The following ANO4 variants were observed in gnomAD, a reference collection of about 807,000 sequenced individuals.
The protein encoded by ANO4 is anoctamin 4, also known as anoctamin-4.
In ANO4, 69 loss-of-function variants were observed where a neutral mutation model predicts 141.9. That is an observed-to-expected ratio of 0.49 (90% confidence interval 0.40 to 0.59). ANO4 has a LOEUF of 0.59. ANO4 is among the 20% of genes least tolerant of loss of function. ANO4 has a pLI of 0.00. For missense variants in ANO4, 894 were observed against 1,162.2 expected, an observed-to-expected ratio of 0.77 and a Z score of 3.36; for synonymous variants, 350 against 394.3, an observed-to-expected ratio of 0.89 and a Z score of 1.33.
intron 14 of ANO4, among the ~76,000 whole-genome samples, chr12:101,050,192 C>T (rs149388641): frequency 9.9e-4 from 151 of 152,214 alleles, no homozygotes; most frequent in Middle Eastern, 3.4e-3. Context: ...AAATGTAAGA[C>T]AACCAGAGGG....
intron 1 of ANO4, among the ~76,000 whole-genome samples, chr12:100,816,726 G>T (rs1422049675): frequency 6.6e-6 from 1 of 151,944 alleles, no homozygotes; most frequent in Non-Finnish European, 1.5e-5. Flanking sequence ...CTAGCACATT[G>T]TACTGTGATT....
At chr12:101,093,173 T>C (rs1242453085) in intron 17 of ANO4, among the ~76,000 whole-genome samples, 1 of 152,154 alleles carries the variant, frequency 6.6e-6, no homozygotes, top group Non-Finnish European at 1.5e-5. Flanking sequence ...TATTAATATA[T>C]CCTAATATAG....
Position 100,958,120 on chromosome 12 carries a change from A to G in ANO4, c.457-13186A>G, listed in dbSNP as rs533371345. Among the ~76,000 whole-genome samples, 14 of 152,242 alleles carry G rather than the reference A, an allele frequency of 9.2e-5. No individual in the cohort carries two copies. In the South Asian group the frequency reaches 2.7e-3, roughly 29 times the overall value. On this transcript the variant is annotated intron_variant, in intron 5 of 27. Coordinates refer to ENST00000392977, the MANE Select transcript of ANO4 (RefSeq NM_001286615.2). ...ATTCTCTCACTCCTTTATTCCTTTG[A>G]CTTATTTGCCGGGCAAAGCCCCGAC...
At position 100,726,885 on chromosome 12, in the gene ANO4, G is replaced by A. The variant is rs572730830; in HGVS notation, c.23-6889G>A. Among the ~76,000 whole-genome samples, 15 of 151,310 alleles carry A rather than the reference G, an allele frequency of 9.9e-5. No homozygotes were observed. The East Asian group carries it at 2.9e-3, about 29-fold the overall frequency. On this transcript the variant is annotated intron_variant, in intron 1 of 29. Coordinates refer to the ANO4 transcript ENST00000644049. ...AGTAGTGCAACATTAAAAAAACTTT[G>A]AAAAAAATTGGTAATTTATACACAC...
intron 1 of ANO4, among the ~76,000 whole-genome samples, chr12:100,859,853 G>T (rs546730092): frequency 6.6e-6 from 1 of 151,968 alleles, no homozygotes; most frequent in Non-Finnish European, 1.5e-5. Context: ...CACATGAGAG[G>T]TACTGAATAA....
At chr12:100,891,528 A>C (rs1469636767) in intron 1 of ANO4, among the ~76,000 whole-genome samples, 1 of 152,202 alleles carries the variant, frequency 6.6e-6, no homozygotes, top group African/African-American at 2.4e-5. Context: ...ATAGATGTGG[A>C]GTGGTATCTC....
At chr12:100,824,898 T>C (rs2036249581) in intron 1 of ANO4, among the ~76,000 whole-genome samples, 1 of 152,072 alleles carries the variant, frequency 6.6e-6, no homozygotes, top group Non-Finnish European at 1.5e-5. Flanking sequence ...GCTGGTTTTA[T>C]TTTTTAACTT....
intron 3 of ANO4, among the ~76,000 whole-genome samples, chr12:100,762,663 T>C (rs920043768): frequency 5.9e-5 from 9 of 152,182 alleles, no homozygotes; most frequent in Admixed American, 1.3e-4. Context: ...GTGGGCTCTC[T>C]GCTTGGCTGG....
chr12:101,116,792 A>G lies in ANO4; in HGVS notation c.2564A>G (p.Tyr855Cys). 1 of 1,614,028 alleles carries G rather than the reference A, an allele frequency of 6.2e-7. No individual in the cohort carries two copies. Among genetic ancestry groups the G allele is most frequent in the East Asian group, 2.2e-5 (1 of 44,874 alleles). ...GAGTTCTCGGGGACTCCTCTTAAGT[A>G]CTGCAGGTGAGTGTGGCACCCAGCG... ...GSEFSGTPLK[Y>C]CRYRDYRDPP... The change falls in exon 25 of 28, where the codon TAC (tyrosine) becomes TGC (cysteine). Residue 855 changes from tyrosine (Y) to cysteine (C), a missense_variant. This residue lies in a region of ANO4 where 637 missense variants were observed against 909.2 expected (regional missense o/e 0.70). Transcript: ENST00000392977.
At chr12:100,940,421 A>G (rs1411417067) in intron 4 of ANO4, among the ~76,000 whole-genome samples, 2 of 152,108 alleles carry the variant, frequency 1.3e-5, no homozygotes, top group Admixed American at 1.3e-4. Flanking sequence ...TGGAGCCAAT[A>G]CCCCTCCTAA....
At chr12:100,942,317 A>T in intron 4 of ANO4, 60 bp from the exon 5 acceptor site, 1 of 1,551,954 alleles carries the variant, frequency 6.4e-7, no homozygotes, top group African/African-American at 1.4e-5. Context: ...CTTTAACATT[A>T]CTCACTTGAA....
chr12:100,781,381 C>A (rs964490285), intron 3 of ANO4, among the ~76,000 whole-genome samples: 4 of 152,156 alleles, frequency 2.6e-5, no homozygotes, highest in Admixed American at 1.3e-4. Context: ...GGTATCCAGG[C>A]AGATTTTTCT....
At position 100,932,825 on chromosome 12, in the gene ANO4, C is replaced by T. The variant is rs182309236; in HGVS notation, c.161-6490C>T. On this transcript the variant is annotated intron_variant, in intron 3 of 27. Coordinates refer to ENST00000392977, the MANE Select transcript of ANO4 (RefSeq NM_001286615.2). ...TACTCAGACTCTTTAGCTGATTTTT[C>T]GTCTCCCAGGCAATTTAAGGTCCTT... Among the ~76,000 whole-genome samples, 553 of 152,214 alleles carry T rather than the reference C, an allele frequency of 3.6e-3. 4 individuals are homozygous for T. The highest frequency in any genetic ancestry group is 0.019 in the South Asian group (93 of 4,814).
intron 1 of ANO4, among the ~76,000 whole-genome samples, chr12:100,828,811 A>T (rs535916331): frequency 6.6e-6 from 1 of 152,156 alleles, no homozygotes; most frequent in African/African-American, 2.4e-5. Flanking sequence ...TGAGGTCAGG[A>T]GTTTGAGACC....
chr12:100,819,065 G>A (rs2035890241), intron 1 of ANO4, among the ~76,000 whole-genome samples: 1 of 150,806 alleles, frequency 6.6e-6, no homozygotes, highest in Non-Finnish European at 1.5e-5. Context: ...ATATATGTAT[G>A]TGTGTATATA....
chr12:101,122,735 T>G (rs1289316872), intron 26 of ANO4, among the ~76,000 whole-genome samples: 1 of 152,208 alleles, frequency 6.6e-6, no homozygotes, highest in African/African-American at 2.4e-5. Flanking sequence ...CATATTGAAA[T>G]ATACTGATTC....
chr12:101,056,515 A>G (rs2048124284), intron 14 of ANO4, among the ~76,000 whole-genome samples: 1 of 152,142 alleles, frequency 6.6e-6, no homozygotes, highest in Admixed American at 6.5e-5. Context: ...TATTTTCAAC[A>G]TAGATGATTA....
rs1255746727 is a variant in ANO4 at position 101,096,555 on chromosome 12, T to G, written c.1758T>G (p.Ser586=). 1.2e-6 allele frequency: 2 copies of G among 1,613,424 alleles called. No homozygotes were observed. Among genetic ancestry groups the G allele is most frequent in the Non-Finnish European group, 1.7e-6 (2 of 1,179,614 alleles). ...CCACAGAACAGCCTCGCACAGAGTCTGAGTGGGAGAACAGCTTCACCCTGA... is the reference window on the plus strand; with the variant it reads ...CCACAGAACAGCCTCGCACAGAGTCGGAGTGGGAGAACAGCTTCACCCTGA... The part of the protein sequence containing the change: ...LTNLEQPRTE[S]EWENSFTLKM... The change falls in exon 19 of 28, where the codon TCT becomes TCG. Residue 586 remains serine (S), a synonymous_variant. Transcript: ENST00000392977.
At chr12:100,803,060 T>C (rs1457321337) in intron 1 of ANO4, among the ~76,000 whole-genome samples, 1 of 152,206 alleles carries the variant, frequency 6.6e-6, no homozygotes, top group Non-Finnish European at 1.5e-5. Flanking sequence ...TAAAGAAAAG[T>C]ACTACGGACA....
Sources: allele counts gnomAD v4.1 joint callset (sites outside exome capture counted in the v4.1 genomes callset), GRCh38; gene constraint gnomAD v4.1.1; regional missense constraint gnomAD v4.1.1; transcripts MANE v1.5; gene names NCBI Gene and HGNC (gene_info 2026-07-23, HGNC 2026-07-21).